SLC24A1: variants seen among roughly 807,000 people sequenced by gnomAD.
SLC24A1 encodes solute carrier family 24 member 1.
Under a neutral mutation model 88.1 loss-of-function variants are expected in SLC24A1, and 52 were observed. The observed-to-expected ratio is 0.59, with a 90% CI of 0.47 to 0.74. The LOEUF is 0.74. Among genes scored for constraint, SLC24A1 ranks in the 30% least tolerant of loss-of-function variants. The pLI, the probability that SLC24A1 is intolerant of heterozygous loss-of-function variation, is 0.00. For synonymous variants in SLC24A1, 455 were observed against 498.0 expected (o/e 0.91, Z 1.15); for missense variants, 1,173 against 1,363.3 (o/e 0.86, Z 2.20).
At chr15:65,656,354 C>T (rs1229258415), downstream of SLC24A1, 1 of 660,432 alleles carries the variant, frequency 1.5e-6, no homozygotes, top group Non-Finnish European at 1.9e-6. Context: ...AGGACAAGTA[C>T]AAAAAATGAA....
Position 65,652,752 on chromosome 15 carries a change from G to A in SLC24A1, c.2994G>A (p.Leu998=), listed in dbSNP as rs1297619613. 1 of 1,613,708 alleles carries A rather than the reference G, an allele frequency of 6.2e-7. No individual in the cohort carries two copies. The highest frequency in any genetic ancestry group is 1.3e-5 in the African/African-American group (1 of 74,888). The change falls in exon 9 of 10, where the codon CTG becomes CTA. Residue 998 remains leucine (L), a synonymous_variant. Transcript: ENST00000261892. ...GTGTGATTGTCGCTCGAAAAGGCCTGGGAGACATGGCTGTGTCAAGCTCTG... is the reference window on the plus strand; with the variant it reads ...GTGTGATTGTCGCTCGAAAAGGCCTAGGAGACATGGCTGTGTCAAGCTCTG... ...ITSVIVARKG[L]GDMAVSSSVG... is the part of the protein sequence containing the mutation.
Position 65,655,533 on chromosome 15 carries a change from TA to T in SLC24A1, c.*1455del. The T allele has an allele frequency of 1.0e-6, 1 of 985,448 alleles. No individual in the cohort carries two copies. The highest frequency in any genetic ancestry group is 1.2e-6 in the Non-Finnish European group (1 of 829,924). The allele number at this position is 985,448 out of a possible 1,614,324, so 61.0% of individuals were successfully genotyped here. On this transcript the variant is annotated 3_prime_UTR_variant, in exon 10 of 10. Transcript: ENST00000261892. The stretch of plus-strand genomic sequence containing the variant: ...ATTAAATACCACTGCTTGCTGCTTT[TA>T]CTAGAATCAAGTTAAGGGACACGTT...
At chr15:65,659,327 T>TTTTTG (rs1469830820), downstream of SLC24A1, 2 of 113,180 alleles carry the variant, frequency 1.8e-5, no homozygotes, top group African/African-American at 4.1e-5. Flanking sequence ...TTCTGGTTTT[T>TTTTTG]TTTTTTTTTT....
chr15:65,624,921 C>T lies in SLC24A1; in HGVS notation c.841C>T (p.Leu281=), dbSNP rs376692252. 6.2e-7 allele frequency: 1 copy of T among 1,613,336 alleles called. No individual in the cohort carries two copies. The highest frequency in any genetic ancestry group is 1.1e-5 in the South Asian group (1 of 91,042). The change falls in exon 2 of 10, where the codon CTG becomes TTG. Residue 281 remains leucine (L), a synonymous_variant. Transcript: ENST00000261892. The part of the protein sequence containing the change: ...SPRSVMEKNN[L]FPPRRVESNS... ...AAGGAGCGTCATGGAAAAAAACAACCTGTTTCCCCCCAGAAGAGTGGAAAG... is the reference window on the plus strand; with the variant it reads ...AAGGAGCGTCATGGAAAAAAACAACTTGTTTCCCCCCAGAAGAGTGGAAAG...
intron 2 of SLC24A1, among the ~76,000 whole-genome samples, chr15:65,635,699 G>A (rs2074910696): frequency 6.6e-6 from 1 of 152,124 alleles, no homozygotes; most frequent in South Asian, 2.1e-4. Context: ...TTAGCAATGT[G>A]TATCCAAGCA....
At chr15:65,620,317 G>A (rs2074279753), upstream of SLC24A1, among the ~76,000 whole-genome samples, 1 of 151,954 alleles carries the variant, frequency 6.6e-6, no homozygotes, top group Non-Finnish European at 1.5e-5. Context: ...GAAACCTGCT[G>A]ACCCCTCTAA....
chr15:65,655,011 A>C lies in SLC24A1; in HGVS notation c.*932A>C, dbSNP rs1187824162. The C allele has an allele frequency of 9.6e-7, 1 of 1,046,648 alleles. No homozygotes were observed. The highest frequency in any genetic ancestry group is 1.2e-6 in the Non-Finnish European group (1 of 865,906). The allele number at this position is 1,046,648 out of a possible 1,614,324, so 64.8% of individuals were successfully genotyped here. A position where few individuals can be genotyped will look rare whatever the true frequency, so the allele number is the denominator to read the frequency against. ...AATAAAAATTTATAATTTGCCCTTG[A>C]ATTGGAAGGAATGGAGATTAGGGAA... On this transcript the variant is annotated 3_prime_UTR_variant, in exon 10 of 10. Transcript: ENST00000261892.
chr15:65,634,325 T>C (rs2074831728), intron 2 of SLC24A1, among the ~76,000 whole-genome samples: 1 of 152,204 alleles, frequency 6.6e-6, no homozygotes, highest in South Asian at 2.1e-4. Flanking sequence ...ACAAGCCCAC[T>C]AGGGGCTACC....
intron 2 of SLC24A1, among the ~76,000 whole-genome samples, chr15:65,616,347 A>G (rs1259882422): frequency 5.3e-5 from 8 of 152,214 alleles, no homozygotes. Context: ...TCCCACCAAC[A>G]GTGTAAAAGC....
At chr15:65,620,183 TG>T (rs202110549), upstream of SLC24A1, among the ~76,000 whole-genome samples, 198 of 152,152 alleles carry the variant, frequency 1.3e-3, 4 homozygotes, top group East Asian at 0.034. Context: ...GGGGATTCAG[TG>T]GTGAATAAGA....
At chr15:65,621,426 T>C (rs559894242), upstream of SLC24A1, among the ~76,000 whole-genome samples, 1 of 152,342 alleles carries the variant, frequency 6.6e-6, no homozygotes, top group East Asian at 1.9e-4. Flanking sequence ...TTAGGCCTAA[T>C]AAAATAGATT....
intron 6 of SLC24A1, among the ~76,000 whole-genome samples, chr15:65,648,616 G>C (rs2075389901): frequency 1.3e-5 from 2 of 151,802 alleles, no homozygotes; most frequent in South Asian, 4.2e-4. Context: ...TGATGAGCTG[G>C]AATTACAGGC....
rs531166723 is a variant in SLC24A1, at chr15:65,642,341, C to G, written c.2054-2086C>G. On this transcript the variant is annotated intron_variant, in intron 4 of 9. Transcript: ENST00000261892. ...CCTTCCCTGTGAAGGGGCTTATCCTCTCCAGGGTCCCATGGCTTTTCTGGT... is the reference window on the plus strand; with the variant it reads ...CCTTCCCTGTGAAGGGGCTTATCCTGTCCAGGGTCCCATGGCTTTTCTGGT... Among the ~76,000 whole-genome samples the G allele has an allele frequency of 1.2e-3, 179 of 152,294 alleles. 4 individuals are homozygous for G. The South Asian group carries it at 0.036, about 30-fold the overall frequency.
chr15:65,654,739 CTT>C lies in SLC24A1; in HGVS notation c.*661_*662del. 2.4e-6 allele frequency: 3 copies of C among 1,227,080 alleles called. No homozygotes were observed. Among genetic ancestry groups the C allele is most frequent in the Non-Finnish European group, 1.1e-6 (1 of 945,616 alleles). The allele number at this position is 1,227,080 out of a possible 1,614,324, so 76.0% of individuals were successfully genotyped here. ...TTTTTTTTTGAGACAGAGTTTGGCT[CTT>C]GTTGCCCAGGCTGGTGTGCAATGGC... On this transcript the variant is annotated 3_prime_UTR_variant, in exon 10 of 10. Coordinates refer to ENST00000261892, the MANE Select transcript of SLC24A1 (RefSeq NM_004727.3).
rs2075668357 is a variant in SLC24A1 at position 65,655,922 on chromosome 15, G to A, written c.*1843G>A. ...TAGGTCATTTGGTCAGAATCCTCCCGAGAAGACTGATGAAGAGTATGGAAT... is the reference window on the plus strand; with the variant it reads ...TAGGTCATTTGGTCAGAATCCTCCCAAGAAGACTGATGAAGAGTATGGAAT... On this transcript the variant is annotated 3_prime_UTR_variant, in exon 10 of 10. Coordinates refer to ENST00000261892, the MANE Select transcript of SLC24A1 (RefSeq NM_004727.3). 1 of 985,218 alleles carries A rather than the reference G, an allele frequency of 1.0e-6. No individual in the cohort carries two copies. The highest frequency in any genetic ancestry group is 1.2e-6 in the Non-Finnish European group (1 of 829,824). 61.0% of individuals were successfully genotyped at this position (985,218 alleles called of 1,614,324 possible). A position where few individuals can be genotyped will look rare whatever the true frequency, so the allele number is the denominator to read the frequency against.
chr15:65,651,553 T>C (rs954662528), intron 7 of SLC24A1, 117 bp from the exon 8 acceptor site: 5 of 665,156 alleles, frequency 7.5e-6, no homozygotes, highest in Non-Finnish European at 1.4e-5. Context: ...ATGTCTCCAT[T>C]TTGCCTCCAT....
chr15:65,642,320 C>T (rs76722985), intron 4 of SLC24A1, among the ~76,000 whole-genome samples: 45 of 152,334 alleles, frequency 3.0e-4, no homozygotes, highest in East Asian at 1.3e-3. Flanking sequence ...CTCTCACCTT[C>T]CCTGTGAAGG....
At chr15:65,612,051 A>T (rs1248490888) in intron 1 of SLC24A1, 2 of 152,308 alleles carry the variant, frequency 1.3e-5, no homozygotes, top group African/African-American at 4.8e-5. Context: ...ACCCTGGACA[A>T]GGCATGCGTG....
upstream of SLC24A1, among the ~76,000 whole-genome samples, chr15:65,619,335 A>G (rs1195433179): frequency 6.6e-6 from 1 of 152,136 alleles, no homozygotes; most frequent in African/African-American, 2.4e-5. Context: ...GGTTAAATTC[A>G]GCCCTCAGAC....
Sources: allele counts gnomAD v4.1 joint callset (sites outside exome capture counted in the v4.1 genomes callset), GRCh38; gene constraint gnomAD v4.1.1; transcripts MANE v1.5; gene names NCBI Gene and HGNC (gene_info 2026-07-23, HGNC 2026-07-21).